TMC2: variants seen among roughly 807,000 people sequenced by gnomAD.
TMC2 encodes transmembrane channel like 2.
A neutral mutation model predicts 105.9 loss-of-function variants in TMC2; 102 were observed. The observed-to-expected ratio is 0.96, with a 90% CI of 0.82 to 1.14. The LOEUF (loss-of-function observed/expected upper bound fraction) is 1.14, where lower values mean the gene tolerates loss of function less well. Among genes scored for constraint, TMC2 ranks in the 50% most tolerant of loss-of-function variants. The probability of loss-of-function intolerance (pLI) is 0.00; values close to 1 mark genes in which losing one functional copy is unlikely to be tolerated. For missense variants in TMC2, 1,093 were observed against 1,134.3 expected (o/e 0.96, Z 0.52); for synonymous variants, 402 against 422.8 (o/e 0.95, Z 0.60).
At chr20:2,593,577 A>G (rs6050455) in intron 8 of TMC2, among the ~76,000 whole-genome samples, 31,887 of 152,114 alleles carry the variant, frequency 0.21, 3,892 homozygotes, top group Middle Eastern at 0.33. Context: ...GGACTTGATT[A>G]TTGAAAAACC....
intron 10 of TMC2, among the ~76,000 whole-genome samples, chr20:2,597,792 C>T (rs189820537): frequency 3.9e-4 from 59 of 152,222 alleles, no homozygotes; most frequent in Non-Finnish European, 4.7e-4. Flanking sequence ...GCCACCACGC[C>T]CAGCCTGTCT....
chr20:2,541,580 G>T (rs1392847965), intron 2 of TMC2, among the ~76,000 whole-genome samples: 1 of 151,202 alleles, frequency 6.6e-6, no homozygotes, highest in Admixed American at 6.6e-5. Flanking sequence ...GGTTGAGGTT[G>T]CAGTGAGCCC....
chr20:2,598,197 G>GAAAA (rs11472755), intron 10 of TMC2, among the ~76,000 whole-genome samples: 10 of 132,400 alleles, frequency 7.6e-5, no homozygotes, highest in South Asian at 2.3e-4. Context: ...CTAGTGAAAT[G>GAAAA]AAAAAAAAAA....
chr20:2,626,907 G>GGCAGCCCTGAGCTTCT (rs901845372), intron 17 of TMC2, among the ~76,000 whole-genome samples: 3 of 152,322 alleles, frequency 2.0e-5, no homozygotes, highest in Admixed American at 6.5e-5. Flanking sequence ...AGTGAGCAAA[G>GGCAGCCCTGAGCTTCT]GCAGCCCTGA....
rs907393312 is a variant in TMC2, at chr20:2,616,921, C to T, written c.1941-151C>T. 1 of 773,162 alleles carries T rather than the reference C, an allele frequency of 1.3e-6. No individual in the cohort carries two copies. The highest frequency in any genetic ancestry group is 2.1e-6 in the Non-Finnish European group (1 of 483,468). The allele number at this position is 773,162 out of a possible 1,614,324, so 47.9% of individuals were successfully genotyped here. ...TGGTTCTGGCTTGATGATCGATATT[C>T]TGGTTAAATGGGAGGCCCCTTACCT... On this transcript the variant is annotated intron_variant, in intron 15 of 19. Transcript: ENST00000358864. This position sits in a 1 kb window ranked among gnomAD's most constrained non-coding sequence, Gnocchi z 4.8.
intron 7 of TMC2, among the ~76,000 whole-genome samples, chr20:2,588,427 C>T (rs1375660478): frequency 2.0e-5 from 3 of 152,174 alleles, no homozygotes; most frequent in Middle Eastern, 3.2e-3. Context: ...CCAGCCACAC[C>T]ATGCTAGACT....
chr20:2,623,132 G>A (rs1473878093), intron 16 of TMC2, among the ~76,000 whole-genome samples: 1 of 152,070 alleles, frequency 6.6e-6, no homozygotes, highest in Non-Finnish European at 1.5e-5. Flanking sequence ...GTGTAACTAA[G>A]AAACTGAATT....
rs1459820464 is a variant in TMC2, at chr20:2,610,554, C to A, written c.1549C>A (p.Leu517Ile). 1 of 1,612,346 alleles carries A rather than the reference C, an allele frequency of 6.2e-7. No homozygotes were observed. Among genetic ancestry groups the A allele is most frequent in the South Asian group, 1.1e-5 (1 of 90,824 alleles). ...GRIFALFLGN[L>I]YTFLLALMDD... ...CATCTTTGCACTCTTCCTGGGGAAC[C>A]TCTACACATTTCTCTTGGCCCTGAT... The change falls in exon 12 of 20, where the codon CTC (leucine) becomes ATC (isoleucine). Residue 517 changes from leucine (L) to isoleucine (I), a missense_variant. By Grantham distance (5) the Leu-to-Ile change is conservative. Transcript: ENST00000358864.
At position 2,631,705 on chromosome 20, in the gene TMC2, G is replaced by GTTTT. The variant is rs56986596; in HGVS notation, c.2307-4214_2307-4211dup. On this transcript the variant is annotated intron_variant, in intron 17 of 19. Coordinates refer to ENST00000358864, the MANE Select transcript of TMC2 (RefSeq NM_080751.3). ...CTGGATTCTCTCTTTGACTATGGCT[G>GTTTT]TTTTTTTTTTCAATTTGCTATGATA... is the stretch of plus-strand genomic sequence containing the variant. Among the ~76,000 whole-genome samples the GTTTT allele has an allele frequency of 6.9e-3, 1,009 of 145,358 alleles. 11 individuals are homozygous for GTTTT. Among genetic ancestry groups the GTTTT allele is most frequent in the African/African-American group, 0.021 (819 of 39,586 alleles).
intron 4 of TMC2, among the ~76,000 whole-genome samples, chr20:2,568,663 A>G (rs1270057615): frequency 6.6e-6 from 1 of 152,226 alleles, no homozygotes; most frequent in Non-Finnish European, 1.5e-5. Context: ...AAATACAGGA[A>G]GAAGACAAAA....
intron 2 of TMC2, among the ~76,000 whole-genome samples, chr20:2,554,497 T>A (rs1390788634): frequency 6.6e-6 from 1 of 152,214 alleles, no homozygotes; most frequent in Non-Finnish European, 1.5e-5. Context: ...TTGGATTTAA[T>A]TTGTTCTTTT....
At chr20:2,551,638 A>G (rs1189489902) in intron 2 of TMC2, among the ~76,000 whole-genome samples, 1 of 152,000 alleles carries the variant, frequency 6.6e-6, no homozygotes, top group African/African-American at 2.4e-5. Flanking sequence ...TGTGTTTTAC[A>G]TTTAGGTTTA....
intron 2 of TMC2, among the ~76,000 whole-genome samples, chr20:2,555,578 G>A (rs1269056063): frequency 1.3e-5 from 2 of 152,032 alleles, no homozygotes; most frequent in Non-Finnish European, 2.9e-5. Flanking sequence ...CTTGGTTTTT[G>A]ATCCATTCTC....
chr20:2,579,160 T>G lies in TMC2; in HGVS notation c.660T>G (p.Phe220Leu). ...KMLMAKKWVKFKRDFDNFKTQ... is the reference protein window; with the variant it reads ...KMLMAKKWVKLKRDFDNFKTQ... ...TTTTATTTCAGAAATGGGTCAAATT[T>G]AAGAGAGACTTTGATAATTTCAAGA... The change falls in exon 6 of 20, where the codon TTT becomes TTG. Residue 220 changes from phenylalanine (F) to leucine (L), a missense_variant. Physicochemically the swap from Phe to Leu is conservative, Grantham distance 22 (BLOSUM62 0). Transcript: ENST00000358864. 6.3e-7 allele frequency: 1 copy of G among 1,587,930 alleles called. No individual in the cohort carries two copies. Among genetic ancestry groups the G allele is most frequent in the Non-Finnish European group, 8.6e-7 (1 of 1,156,608 alleles).
chr20:2,592,505 A>AC lies in TMC2; in HGVS notation c.933+99dup. 3 of 883,624 alleles carry AC rather than the reference A, an allele frequency of 3.4e-6. No individual in the cohort carries two copies. In the South Asian group the frequency reaches 4.2e-5, roughly 12 times the overall value. 54.7% of individuals were successfully genotyped at this position (883,624 alleles called of 1,614,324 possible). ...AAATAGTGCGTTTAATTATTGAAAAACCATTGCTTTAATAGGATCCCAGCA... is the reference window on the plus strand; with the variant it reads ...AAATAGTGCGTTTAATTATTGAAAAACCCATTGCTTTAATAGGATCCCAGCA... On this transcript the variant is annotated intron_variant, in intron 8 of 19. Coordinates refer to ENST00000358864, the MANE Select transcript of TMC2 (RefSeq NM_080751.3). The surrounding 1 kb of genome is among the most constrained non-coding windows in gnomAD (Gnocchi z 4.9).
intron 5 of TMC2, among the ~76,000 whole-genome samples, chr20:2,575,971 C>G (rs2086141545): frequency 3.3e-5 from 5 of 152,096 alleles, no homozygotes; most frequent in Admixed American, 3.3e-4. Context: ...TTATTGCATC[C>G]TATTAGGAAT....
At chr20:2,638,363 A>C (rs1051955584) in intron 19 of TMC2, among the ~76,000 whole-genome samples, 7 of 151,904 alleles carry the variant, frequency 4.6e-5, no homozygotes, top group Admixed American at 4.6e-4. Context: ...TCTCAAAAAA[A>C]AAAAATCTCT....
At position 2,616,236 on chromosome 20, in the gene TMC2, C is replaced by T. The variant is rs768124255; in HGVS notation, c.1940+32C>T. 6.3e-7 allele frequency: 1 copy of T among 1,582,794 alleles called. No homozygotes were observed. The highest frequency in any genetic ancestry group is 8.7e-7 in the Non-Finnish European group (1 of 1,151,644). On this transcript the variant is annotated intron_variant, in intron 15 of 19. Coordinates refer to ENST00000358864, the MANE Select transcript of TMC2 (RefSeq NM_080751.3). This position sits in a 1 kb window ranked among gnomAD's most constrained non-coding sequence, Gnocchi z 4.8. ...TATCCATTTCATCTGGTGATCGCCTCATCCAAGGAGTCAAAAAACTGGAAT... is the reference window on the plus strand; with the variant it reads ...TATCCATTTCATCTGGTGATCGCCTTATCCAAGGAGTCAAAAAACTGGAAT...
rs1011982167 is a variant in TMC2 at position 2,593,238 on chromosome 20, A to T, written c.933+830A>T. ...CCAGAACTCCCTCCCTATCATGAGA[A>T]CAGCATGGGGGAAACTGTCCCCATG... On this transcript the variant is annotated intron_variant, in intron 8 of 19. Transcript: ENST00000358864. Among the ~76,000 whole-genome samples the T allele has an allele frequency of 7.2e-5, 11 of 152,238 alleles. No homozygotes were observed. In the Middle Eastern group the frequency reaches 0.01, roughly 141 times the overall value.
Sources: gnomAD v4.1 joint callset for allele counts (sites outside exome capture counted in the v4.1 genomes callset) on GRCh38, gnomAD v4.1.1 for gene constraint, Gnocchi (gnomAD v3.1) non-coding constraint, MANE v1.5 for transcripts, NCBI Gene and HGNC (gene_info 2026-07-23, HGNC 2026-07-21) for gene names.